The following PDE1C variants were observed in gnomAD, a reference collection of about 807,000 sequenced individuals.
The protein encoded by PDE1C is dual specificity calcium/calmodulin-dependent 3',5'-cyclic nucleotide phosphodiesterase 1C.
A neutral mutation model predicts 93.1 loss-of-function variants in PDE1C; 62 were observed. That is an observed-to-expected ratio of 0.67 (90% CI 0.54 to 0.82). PDE1C has a LOEUF of 0.82. Ranked by LOEUF, PDE1C falls within the 40% of genes least tolerant of loss-of-function variation. The probability of loss-of-function intolerance (pLI) is 0.00; values close to 1 mark genes in which losing one functional copy is unlikely to be tolerated. For synonymous variants in PDE1C, 325 were observed against 310.1 expected (o/e 1.05, Z -0.50); for missense variants, 742 against 884.6 (o/e 0.84, Z 2.04).
intron 1 of PDE1C, among the ~76,000 whole-genome samples, chr7:32,317,259 T>C (rs1331117959): frequency 6.6e-6 from 1 of 152,232 alleles, no homozygotes; most frequent in Non-Finnish European, 1.5e-5. Context: ...ACTCATGTTT[T>C]TTGGGATCTA....
intron 1 of PDE1C, among the ~76,000 whole-genome samples, chr7:32,064,478 T>C (rs1795149592): frequency 1.3e-5 from 2 of 152,162 alleles, no homozygotes; most frequent in South Asian, 4.2e-4. Context: ...TGTTCTTTCA[T>C]CTTCAGCAGC....
the PDE1C span, among the ~76,000 whole-genome samples, chr7:31,690,681 A>C: frequency 6.6e-6 from 1 of 152,236 alleles, no homozygotes; most frequent in African/African-American, 2.4e-5. Context: ...AAGAACAGCC[A>C]TAGGATCCAA....
At chr7:32,089,518 T>G (rs559082386) in intron 3 of PDE1C, among the ~76,000 whole-genome samples, 3 of 152,274 alleles carry the variant, frequency 2.0e-5, no homozygotes, top group East Asian at 1.9e-4. Context: ...GATTTGAGAA[T>G]GAGGAGACAA....
intron 1 of PDE1C, among the ~76,000 whole-genome samples, chr7:32,353,570 T>C (rs1443937124): frequency 6.8e-6 from 1 of 147,362 alleles, no homozygotes. Flanking sequence ...TTTTTTTTTT[T>C]CTAGTTTGTT....
upstream of PDE1C, chr7:32,070,939 C>A (rs1426250146): frequency 4.1e-6 from 4 of 985,180 alleles, no homozygotes; most frequent in Non-Finnish European, 2.4e-6. Flanking sequence ...CACTCCCTGG[C>A]CGCGCCTGCC....
intron 3 of PDE1C, among the ~76,000 whole-genome samples, chr7:31,880,074 T>A (rs1002482886): frequency 1.3e-5 from 2 of 152,160 alleles, no homozygotes; most frequent in African/African-American, 4.8e-5. Context: ...TGAAATACTT[T>A]CAGATTGGAA....
intron 12 of PDE1C, among the ~76,000 whole-genome samples, chr7:31,826,256 C>A: frequency 6.6e-6 from 1 of 152,166 alleles, no homozygotes; most frequent in East Asian, 1.9e-4. Context: ...AGAGGTAAAG[C>A]TGGCATTAAT....
At chr7:31,697,475 C>T in the PDE1C span, among the ~76,000 whole-genome samples, 1 of 152,176 alleles carries the variant, frequency 6.6e-6, no homozygotes, top group Admixed American at 6.5e-5. Flanking sequence ...TCCTGAGACA[C>T]TTGGACTAAT....
At chr7:32,029,299 A>T (rs141171104) in intron 2 of PDE1C, among the ~76,000 whole-genome samples, 220 of 152,276 alleles carry the variant, frequency 1.4e-3, no homozygotes, top group African/African-American at 5.1e-3. Flanking sequence ...TCCTCAAAAA[A>T]CTAAAAATAC....
At chr7:31,771,240 T>G (rs1275485702) in intron 17 of PDE1C, among the ~76,000 whole-genome samples, 2 of 152,252 alleles carry the variant, frequency 1.3e-5, no homozygotes, top group Admixed American at 1.3e-4. Context: ...CTCCTGTACC[T>G]GTGCCCTTTG....
At chr7:32,240,324 G>A (rs1171218219) in intron 1 of PDE1C, among the ~76,000 whole-genome samples, 1 of 152,096 alleles carries the variant, frequency 6.6e-6, no homozygotes, top group Non-Finnish European at 1.5e-5. Flanking sequence ...TATTAACTGA[G>A]GGCTTACTAT....
intron 1 of PDE1C, among the ~76,000 whole-genome samples, chr7:32,374,513 A>T (rs917051400): frequency 7.2e-5 from 11 of 152,162 alleles, no homozygotes; most frequent in African/African-American, 2.4e-4. Context: ...CAGCATGGGG[A>T]GGTAGTCTAA....
intron 2 of PDE1C, among the ~76,000 whole-genome samples, chr7:32,040,905 T>C (rs1463402820): frequency 2.0e-5 from 3 of 152,154 alleles, no homozygotes; most frequent in Non-Finnish European, 4.4e-5. Flanking sequence ...AATCCCTTGT[T>C]AAGGCTGATT....
At chr7:31,697,126 G>T in the PDE1C span, 10 of 1,613,354 alleles carry the variant, frequency 6.2e-6, no homozygotes, top group Non-Finnish European at 8.5e-6. Context: ...AGGTAAAAAA[G>T]CTGGTGCAGG....
Position 31,815,924 on chromosome 7 carries a change from C to T in PDE1C, c.1813G>A (p.Gly605Ser), listed in dbSNP as rs765536614. The change falls in exon 15 of 18, where the codon GGT becomes AGT. Residue 605 changes from glycine to serine, a missense_variant and splice_region_variant. By Grantham distance (56) the Gly-to-Ser change is moderately conservative (BLOSUM62 0). Transcript: ENST00000396191. ...CCTTCACCAGTGTAAGTCTACTCAC[C>T]ATTCTGTTGCTGTTCTCCTGATGAC... is the stretch of plus-strand genomic sequence containing the variant. ...EKSSGEQQQN[G>S]DFKDGKNKTD... is the part of the protein sequence containing the mutation. 1.2e-6 allele frequency: 2 copies of T among 1,601,058 alleles called. No homozygotes were observed. The highest frequency in any genetic ancestry group is 1.7e-6 in the Non-Finnish European group (2 of 1,168,170).
chr7:31,625,635 G>C, the PDE1C span, among the ~76,000 whole-genome samples: 1 of 152,064 alleles, frequency 6.6e-6, no homozygotes, highest in African/African-American at 2.4e-5. Flanking sequence ...GGTGGGAGGA[G>C]GGGGGAGGGA....
chr7:31,632,771 C>T, the PDE1C span, among the ~76,000 whole-genome samples: 10 of 152,244 alleles, frequency 6.6e-5, no homozygotes, highest in African/African-American at 2.4e-4. Flanking sequence ...TTACAGCAAG[C>T]ATTAAGTAAG....
intron 17 of PDE1C, among the ~76,000 whole-genome samples, chr7:31,773,833 A>G (rs1289335145): frequency 2.6e-5 from 4 of 152,180 alleles, no homozygotes; most frequent in Non-Finnish European, 5.9e-5. Context: ...CTCATCATGG[A>G]AAAAGCCACC....
intron 9 of PDE1C, among the ~76,000 whole-genome samples, chr7:31,844,702 A>T (rs183071252): frequency 6.6e-6 from 1 of 152,048 alleles, no homozygotes; most frequent in Non-Finnish European, 1.5e-5. Context: ...GAAACTGTTC[A>T]GTCATTATTT....
Sources: gnomAD v4.1 joint callset for allele counts (sites outside exome capture counted in the v4.1 genomes callset) on GRCh38, gnomAD v4.1.1 for gene constraint, MANE v1.5 for transcripts, NCBI Gene and HGNC (gene_info 2026-07-23, HGNC 2026-07-21) for gene names.